MEF2D: variants seen among roughly 807,000 people sequenced by gnomAD.
MEF2D encodes myocyte enhancer factor 2D, also known as myocyte-specific enhancer factor 2D.
A neutral mutation model predicts 59.3 loss-of-function variants in MEF2D; 10 were observed. The ratio of observed to expected loss-of-function variants is 0.17; its 90% confidence interval spans 0.10 to 0.29. MEF2D has a LOEUF of 0.29. MEF2D is among the 10% of genes least tolerant of loss of function. MEF2D has a pLI of 1.00. For synonymous variants in MEF2D, 305 were observed against 295.0 expected (o/e 1.03, Z -0.35); for missense variants, 508 against 699.4 (o/e 0.73, Z 3.09).
At chr1:156,494,429 C>T (rs183026878) in intron 1 of MEF2D, among the ~76,000 whole-genome samples, 207 of 152,202 alleles carry the variant, frequency 1.4e-3, no homozygotes, top group African/African-American at 3.9e-3. Flanking sequence ...TGGCAAGACT[C>T]GTGGGGCTAA....
intron 9 of MEF2D, among the ~76,000 whole-genome samples, chr1:156,474,821 AAAAAACAAACCC>A (rs1477304554): frequency 2.0e-5 from 3 of 152,256 alleles, no homozygotes; most frequent in Non-Finnish European, 4.4e-5. Flanking sequence ...AAAAAGAAAA[AAAAAACAAACCC>A]AAAAATAAAA....
chr1:156,482,099 G>C (rs770571766), intron 3 of MEF2D, among the ~76,000 whole-genome samples: 1 of 152,248 alleles, frequency 6.6e-6, no homozygotes, highest in Non-Finnish European at 1.5e-5. Context: ...ATGGAGAAGC[G>C]GGGAAAGAGA....
At chr1:156,489,309 A>G (rs1347118251) in intron 1 of MEF2D, among the ~76,000 whole-genome samples, 1 of 152,066 alleles carries the variant, frequency 6.6e-6, no homozygotes, top group African/African-American at 2.4e-5. Context: ...GGGGGTGACA[A>G]TCCAATCCAC....
intron 1 of MEF2D, among the ~76,000 whole-genome samples, chr1:156,485,204 A>C (rs906842479): frequency 2.0e-5 from 3 of 151,648 alleles, no homozygotes; most frequent in Non-Finnish European, 2.9e-5. Flanking sequence ...ACAGAGAACA[A>C]CTCTTACCCC....
At chr1:156,496,842 A>G (rs1278033060) in intron 1 of MEF2D, among the ~76,000 whole-genome samples, 1 of 152,232 alleles carries the variant, frequency 6.6e-6, no homozygotes, top group Non-Finnish European at 1.5e-5. Context: ...ACTGGGGGAA[A>G]GGGGCCTAAT....
At chr1:156,469,406 T>C (rs556469201) in intron 9 of MEF2D, among the ~76,000 whole-genome samples, 1 of 151,790 alleles carries the variant, frequency 6.6e-6, no homozygotes, top group Non-Finnish European at 1.5e-5. Flanking sequence ...TACAGGCACA[T>C]GCCACCACGC....
At chr1:156,480,798 G>A (rs753369254) in intron 4 of MEF2D, 36 bp downstream of exon 4, 10 of 1,594,726 alleles carry the variant, frequency 6.3e-6, no homozygotes, top group South Asian at 3.4e-5. Context: ...GGGGCCGGAA[G>A]GGGGGGCCAA....
intron 1 of MEF2D, among the ~76,000 whole-genome samples, chr1:156,492,888 G>C (rs181062903): frequency 6.6e-6 from 1 of 152,192 alleles, no homozygotes; most frequent in Non-Finnish European, 1.5e-5. Context: ...CCATTGCAGC[G>C]GGTGGGCTAA....
intron 5 of MEF2D, 107 bp downstream of exon 5, chr1:156,479,479 G>T (rs912396467): frequency 3.4e-6 from 5 of 1,488,300 alleles, no homozygotes; most frequent in Non-Finnish European, 4.6e-6. Flanking sequence ...TACAAATGGC[G>T]GAATGCTGTG....
At chr1:156,477,601 C>G (rs1671702269) in intron 6 of MEF2D, among the ~76,000 whole-genome samples, 1 of 152,172 alleles carries the variant, frequency 6.6e-6, no homozygotes, top group African/African-American at 2.4e-5. Context: ...ATTTTTAGGT[C>G]CCACAGTCTA....
At chr1:156,479,230 CCT>C (rs1409343365) in intron 6 of MEF2D, 58 bp downstream of exon 6, 10 of 1,466,900 alleles carry the variant, frequency 6.8e-6, no homozygotes, top group East Asian at 4.8e-5. Flanking sequence ...CCTTGGACCC[CCT>C]GAGGCCACTG....
chr1:156,492,536 T>C (rs1672869338), intron 1 of MEF2D, among the ~76,000 whole-genome samples: 2 of 152,218 alleles, frequency 1.3e-5, no homozygotes, highest in Non-Finnish European at 2.9e-5. Context: ...CCATATCTTC[T>C]GAAACAATGA....
intron 1 of MEF2D, among the ~76,000 whole-genome samples, chr1:156,499,061 G>A (rs1482701795): frequency 1.3e-5 from 2 of 152,134 alleles, no homozygotes; most frequent in Non-Finnish European, 2.9e-5. Flanking sequence ...TTCCTGTTGG[G>A]GTTGGGAGAG....
At chr1:156,489,034 A>G (rs979166773) in intron 1 of MEF2D, among the ~76,000 whole-genome samples, 1 of 152,230 alleles carries the variant, frequency 6.6e-6, no homozygotes, top group Non-Finnish European at 1.5e-5. Context: ...ATACCAGCAC[A>G]GGTCAAAAGG....
chr1:156,481,758 C>A (rs1465463871), intron 3 of MEF2D, among the ~76,000 whole-genome samples: 1 of 152,206 alleles, frequency 6.6e-6, no homozygotes, highest in Non-Finnish European at 1.5e-5. Context: ...TTCGTCAGCA[C>A]AAGTTCTGTA....
At chr1:156,497,301 T>A (rs935338684) in intron 1 of MEF2D, among the ~76,000 whole-genome samples, 6 of 152,244 alleles carry the variant, frequency 3.9e-5, no homozygotes, top group Non-Finnish European at 8.8e-5. Flanking sequence ...CACCAGCAAT[T>A]ACAGTGATGC....
chr1:156,494,721 C>A (rs917855359), intron 1 of MEF2D, among the ~76,000 whole-genome samples: 3 of 152,216 alleles, frequency 2.0e-5, no homozygotes, highest in African/African-American at 7.2e-5. Flanking sequence ...CTTCCCTTCC[C>A]ATGTGAGGCA....
chr1:156,486,834 A>C (rs952922908), intron 1 of MEF2D, among the ~76,000 whole-genome samples: 3 of 152,226 alleles, frequency 2.0e-5, no homozygotes, highest in African/African-American at 7.2e-5. Flanking sequence ...TCTGTTGAAA[A>C]GAAGAAAATA....
chr1:156,476,918 C>A, intron 7 of MEF2D, 94 bp downstream of exon 7: 2 of 1,441,250 alleles, frequency 1.4e-6, no homozygotes, highest in Non-Finnish European at 1.9e-6. Context: ...TAACTGCTGG[C>A]TAGCCTTCAT....
Sources: allele counts gnomAD v4.1 joint callset (sites outside exome capture counted in the v4.1 genomes callset), GRCh38; gene constraint gnomAD v4.1.1; transcripts MANE v1.5; gene names NCBI Gene and HGNC (gene_info 2026-07-23, HGNC 2026-07-21).